VAV3: variants seen among roughly 807,000 people sequenced by gnomAD.
VAV3 encodes the protein vav guanine nucleotide exchange factor 3.
VAV3 carries 94 observed loss-of-function variants against 131.2 expected under a neutral mutation model. That is an observed-to-expected ratio of 0.72 (90% CI 0.61 to 0.85). The LOEUF (loss-of-function observed/expected upper bound fraction) is 0.85, where lower values mean the gene tolerates loss of function less well. VAV3 is among the 40% of genes least tolerant of loss of function. The probability of loss-of-function intolerance (pLI) is 0.00; values close to 1 mark genes in which losing one functional copy is unlikely to be tolerated. For missense variants in VAV3, 939 were observed against 1,002.7 expected (o/e 0.94, Z 0.86); for synonymous variants, 349 against 342.0 (o/e 1.02, Z -0.22).
chr1:107,853,662 A>G (rs939701098), intron 2 of VAV3, among the ~76,000 whole-genome samples: 2 of 149,918 alleles, frequency 1.3e-5, no homozygotes, highest in African/African-American at 5.0e-5. Context: ...AAAGCAGGAC[A>G]CAGAAAGACC....
In VAV3 at chr1:107,907,392, A is replaced by C. The variant is rs1011012646; in HGVS notation, c.205-32375T>G. On this transcript the variant is annotated intron_variant, in intron 1 of 26. Coordinates refer to ENST00000370056, the MANE Select transcript of VAV3 (RefSeq NM_006113.5). ...CGTAAGTGATAAAAGCAGCTTACCA[A>C]AAATATTAATATATTCCTTTTTAAC... Among the ~76,000 whole-genome samples the C allele has an allele frequency of 7.9e-5, 12 of 152,348 alleles. No homozygotes were observed. The East Asian group carries it at 1.9e-3, about 24-fold the overall frequency.
intron 25 of VAV3, among the ~76,000 whole-genome samples, chr1:107,595,353 CT>C (rs770876247): frequency 3.3e-5 from 5 of 152,076 alleles, no homozygotes; most frequent in Non-Finnish European, 5.9e-5. Flanking sequence ...TCAGTTTCTG[CT>C]TTCAAGGAAA....
intron 2 of VAV3, among the ~76,000 whole-genome samples, chr1:107,784,179 C>G (rs953885597): frequency 1.3e-5 from 2 of 152,004 alleles, no homozygotes; most frequent in African/African-American, 4.8e-5. Context: ...TAAATGGGAC[C>G]ATAGCTAAAA....
At chr1:107,573,473 A>C in intron 26 of VAV3, 101 bp from the exon 27 acceptor site, 4 of 1,414,470 alleles carry the variant, frequency 2.8e-6, no homozygotes, top group Non-Finnish European at 3.9e-6. Flanking sequence ...CCCCAATTAA[A>C]CTGGGGTTTT....
intron 19 of VAV3, among the ~76,000 whole-genome samples, chr1:107,672,547 G>A (rs2494048): frequency 0.64 from 96,374 of 151,574 alleles, 31,522 homozygotes; most frequent in African/African-American, 0.79. Context: ...TAAAATGTCT[G>A]TAACTTTGAC....
At chr1:107,708,191 T>C (rs577298984) in intron 15 of VAV3, among the ~76,000 whole-genome samples, 2 of 152,070 alleles carry the variant, frequency 1.3e-5, no homozygotes, top group African/African-American at 2.4e-5. Flanking sequence ...CACATTTAGT[T>C]GAGGAAGAAA....
chr1:107,940,154 T>C (rs1411383927), intron 1 of VAV3, among the ~76,000 whole-genome samples: 2 of 152,200 alleles, frequency 1.3e-5, no homozygotes, highest in Non-Finnish European at 2.9e-5. Flanking sequence ...GTAGAGGTTT[T>C]TGTTGTTTTT....
At chr1:107,863,990 T>G (rs1479274917) in intron 2 of VAV3, among the ~76,000 whole-genome samples, 2 of 152,178 alleles carry the variant, frequency 1.3e-5, no homozygotes, top group African/African-American at 2.4e-5. Flanking sequence ...AGTTTAAAAT[T>G]TTAAGGGAAT....
At chr1:107,659,459 C>A (rs1055020169) in intron 19 of VAV3, among the ~76,000 whole-genome samples, 6 of 152,234 alleles carry the variant, frequency 3.9e-5, no homozygotes, top group Admixed American at 6.5e-5. Flanking sequence ...CAGCTCTTCA[C>A]AATGTCCAAA....
intron 25 of VAV3, among the ~76,000 whole-genome samples, chr1:107,589,362 G>A (rs1650757986): frequency 1.3e-5 from 2 of 152,198 alleles, no homozygotes; most frequent in Admixed American, 1.3e-4. Flanking sequence ...AGAAAAGAAG[G>A]GACAATGATA....
intron 15 of VAV3, among the ~76,000 whole-genome samples, chr1:107,705,574 A>G (rs1042119411): frequency 2.0e-5 from 3 of 152,150 alleles, no homozygotes; most frequent in Non-Finnish European, 4.4e-5. Context: ...AAAATTCTTA[A>G]CATTTCACTT....
chr1:107,591,588 A>C (rs1650956993), intron 25 of VAV3, among the ~76,000 whole-genome samples: 1 of 152,194 alleles, frequency 6.6e-6, no homozygotes, highest in Non-Finnish European at 1.5e-5. Flanking sequence ...CAAAAGAAGG[A>C]CACTGTCACT....
intron 2 of VAV3, among the ~76,000 whole-genome samples, chr1:107,866,484 G>A (rs1459482934): frequency 1.3e-5 from 2 of 152,060 alleles, no homozygotes; most frequent in Non-Finnish European, 2.9e-5. Context: ...TCCCAGTGAT[G>A]AGTACCTCAA....
At chr1:107,811,040 A>G (rs1433517956) in intron 2 of VAV3, among the ~76,000 whole-genome samples, 1 of 152,222 alleles carries the variant, frequency 6.6e-6, no homozygotes, top group African/African-American at 2.4e-5. Context: ...CAACTTTCAG[A>G]AGTCCTTTCT....
chr1:107,602,274 A>T, intron 24 of VAV3, 123 bp downstream of exon 24: 1 of 599,694 alleles, frequency 1.7e-6, no homozygotes. Context: ...CAAAATTAGA[A>T]TATGATTATC....
At chr1:107,871,559 G>A (rs961710183) in intron 2 of VAV3, among the ~76,000 whole-genome samples, 2 of 151,988 alleles carry the variant, frequency 1.3e-5, no homozygotes, top group African/African-American at 4.8e-5. Flanking sequence ...GTTGATGTTG[G>A]TGGAGTTTGA....
intron 2 of VAV3, among the ~76,000 whole-genome samples, chr1:107,869,437 CATT>C (rs1670153636): frequency 2.0e-5 from 3 of 152,084 alleles, no homozygotes; most frequent in Admixed American, 2.0e-4. Context: ...GTGATAATAA[CATT>C]AACAATAAGA....
intron 15 of VAV3, among the ~76,000 whole-genome samples, chr1:107,718,422 CAGAG>C (rs1236863197): frequency 1.3e-5 from 2 of 152,114 alleles, no homozygotes; most frequent in Admixed American, 6.6e-5. Context: ...TACAGACAAA[CAGAG>C]AGCCAAATCA....
chr1:107,874,221 A>G (rs1670383550), intron 2 of VAV3, among the ~76,000 whole-genome samples: 1 of 152,190 alleles, frequency 6.6e-6, no homozygotes, highest in African/African-American at 2.4e-5. Flanking sequence ...CACTCACTTC[A>G]TAATAAATGA....
Sources: gnomAD v4.1 joint callset for allele counts (sites outside exome capture counted in the v4.1 genomes callset) on GRCh38, gnomAD v4.1.1 for gene constraint, MANE v1.5 for transcripts, NCBI Gene and HGNC (gene_info 2026-07-23, HGNC 2026-07-21) for gene names.